Variants in OLR1 observed in about 807,000 individuals in gnomAD.
OLR1 encodes oxidized low density lipoprotein receptor 1.
OLR1 carries 23 observed loss-of-function variants against 31.7 expected under a neutral mutation model. The observed-to-expected ratio is 0.72, with a 90% CI of 0.52 to 1.03. The LOEUF (loss-of-function observed/expected upper bound fraction) is 1.03, where lower values mean the gene tolerates loss of function less well. Ranked by LOEUF, OLR1 falls within the 50% of genes least tolerant of loss-of-function variation. The pLI, the probability that OLR1 is intolerant of heterozygous loss-of-function variation, is 0.00. For synonymous variants in OLR1, 117 were observed against 115.8 expected, an observed-to-expected ratio of 1.01 and a Z score of -0.07; for missense variants, 286 against 315.7, an observed-to-expected ratio of 0.91 and a Z score of 0.71.
chr12:10,161,030 ATTTTTG>A (rs748871918), intron 3 of OLR1, 105 bp from the exon 4 acceptor site: 119 of 1,202,960 alleles, frequency 9.9e-5, no homozygotes, highest in Middle Eastern at 8.2e-4. Flanking sequence ...CATACTATTT[ATTTTTG>A]TTTTTGTTTT....
chr12:10,159,631 G>T lies in OLR1; in HGVS notation c.*249C>A. The T allele has an allele frequency of 3.0e-6, 1 of 329,876 alleles. No homozygotes were observed. The allele number at this position is 329,876 out of a possible 1,614,324, so 20.4% of individuals were successfully genotyped here. On this transcript the variant is annotated 3_prime_UTR_variant, in exon 6 of 6. Transcript: ENST00000309539. ...AGGAGTCAAATTTTAAAATAAAAAGGGGAAAATGGACTTCAGGCTGGCAGG... is the reference window on the plus strand; with the variant it reads ...AGGAGTCAAATTTTAAAATAAAAAGTGGAAAATGGACTTCAGGCTGGCAGG...
chr12:10,172,432 T>C (rs1287321989), upstream of OLR1: 1 of 170,562 alleles, frequency 5.9e-6, no homozygotes, highest in African/African-American at 2.4e-5. Context: ...TCACACTACA[T>C]TTGTAAAAAA....
At chr12:10,162,340 T>G (rs1948627466) in intron 3 of OLR1, among the ~76,000 whole-genome samples, 1 of 152,094 alleles carries the variant, frequency 6.6e-6, no homozygotes, top group Non-Finnish European at 1.5e-5. Context: ...AGAGTAGGCT[T>G]TATCAGAGAG....
At chr12:10,173,249 G>C (rs981375141), upstream of OLR1, among the ~76,000 whole-genome samples, 1 of 152,028 alleles carries the variant, frequency 6.6e-6, no homozygotes, top group African/African-American at 2.4e-5. Flanking sequence ...TCTTCTGAAG[G>C]AAGTATTTAT....
In OLR1 at chr12:10,166,725, T is replaced by C. The variant is rs1039365793; in HGVS notation, c.411A>G (p.Val137=). ...NLNLQETLKR[V]ANCSAPCPQD... The stretch of plus-strand genomic sequence containing the variant: ...TTCTCCCAATACCTGAACAATTTGC[T>C]ACTCTCTTCAGTGTTTCTTGGAGAT... Residue 137 remains valine (V), a synonymous_variant, in exon 3 of 6, where the codon GTA becomes GTG. Coordinates refer to ENST00000309539, the MANE Select transcript of OLR1 (RefSeq NM_002543.4). 1.2e-6 allele frequency: 2 copies of C among 1,613,996 alleles called. No homozygotes were observed. Among genetic ancestry groups the C allele is most frequent in the African/African-American group, 1.3e-5 (1 of 74,908 alleles).
intron 1 of OLR1, chr12:10,170,780 C>T (rs1948708699): frequency 6.6e-6 from 1 of 152,136 alleles, no homozygotes; most frequent in Non-Finnish European, 1.5e-5. Context: ...CGCGCCTGGC[C>T]TCATCACTCT....
At chr12:10,162,701 G>A (rs1948630059) in intron 3 of OLR1, among the ~76,000 whole-genome samples, 1 of 152,192 alleles carries the variant, frequency 6.6e-6, no homozygotes, top group African/African-American at 2.4e-5. Context: ...GGTGGTGTGC[G>A]CCTGTAGTCT....
At chr12:10,160,720 G>T in intron 4 of OLR1, 66 bp downstream of exon 4, 1 of 1,580,084 alleles carries the variant, frequency 6.3e-7, no homozygotes, top group Non-Finnish European at 8.7e-7. Flanking sequence ...TCCAGTGACA[G>T]TTTAAACCAG....
rs149316102 is a variant in OLR1, at chr12:10,171,458, A to T, written c.76+544T>A. ...CACAACAAAATGTAACTTATGCTAAACTATACTGAATATCATTTACTTTGC... is the reference window on the plus strand; with the variant it reads ...CACAACAAAATGTAACTTATGCTAATCTATACTGAATATCATTTACTTTGC... On this transcript the variant is annotated intron_variant, in intron 1 of 5. Transcript: ENST00000309539. Among the ~76,000 whole-genome samples, 466 of 152,374 alleles carry T rather than the reference A, an allele frequency of 3.1e-3. 4 individuals carry two copies. Among genetic ancestry groups the T allele is most frequent in the African/African-American group, 0.01 (435 of 41,592 alleles).
intron 3 of OLR1, among the ~76,000 whole-genome samples, chr12:10,164,898 C>T (rs1450121625): frequency 6.6e-6 from 1 of 152,150 alleles, no homozygotes; most frequent in Admixed American, 6.6e-5. Flanking sequence ...ACTTCTTGGA[C>T]TCCTCATATT....
chr12:10,168,682 T>C (rs567231210), intron 2 of OLR1, among the ~76,000 whole-genome samples: 1 of 152,220 alleles, frequency 6.6e-6, no homozygotes, highest in Admixed American at 6.5e-5. Context: ...TTAGTAGAGA[T>C]GGGGTTTCAC....
At position 10,159,959 on chromosome 12, in the gene OLR1, CGTT is replaced by C; in HGVS notation, c.740_742del (p.Gln247del). 6.2e-7 allele frequency: 1 copy of C among 1,613,950 alleles called. No individual in the cohort carries two copies. Among genetic ancestry groups the C allele is most frequent in the Non-Finnish European group, 8.5e-7 (1 of 1,179,924 alleles). ...GCAGTTTTCCGCATAAACAGCTCCT[CGTT>C]GTATATATGCACAGGTACCTGAAGG... is the stretch of plus-strand genomic sequence containing the variant. On this transcript the variant is annotated inframe_deletion, in exon 6 of 6. Coordinates refer to ENST00000309539, the MANE Select transcript of OLR1 (RefSeq NM_002543.4).
intron 3 of OLR1, among the ~76,000 whole-genome samples, chr12:10,162,649 G>A (rs907541269): frequency 7.9e-5 from 12 of 152,216 alleles, no homozygotes; most frequent in African/African-American, 2.2e-4. Context: ...GCAACATGGC[G>A]AAACCCCATT....
chr12:10,172,003 T>C lies in OLR1; in HGVS notation c.75A>G (p.Lys25=). The change falls in exon 1 of 6, where the codon AAA becomes AAG. Residue 25 remains lysine, a splice_region_variant and synonymous_variant. Coordinates refer to ENST00000309539, the MANE Select transcript of OLR1 (RefSeq NM_002543.4). ...PDEKSNGKKA[K]GLQFLYSPWW... is the part of the protein sequence containing the mutation. ...TACACATTTTCCCATCCCTAGTACCTTTAGCTTTTTTTCCATTTGACTTCT... is the reference window on the plus strand; with the variant it reads ...TACACATTTTCCCATCCCTAGTACCCTTAGCTTTTTTTCCATTTGACTTCT... 6.2e-7 allele frequency: 1 copy of C among 1,611,760 alleles called. No homozygotes were observed. Among genetic ancestry groups the C allele is most frequent in the African/African-American group, 1.3e-5 (1 of 74,996 alleles).
chr12:10,167,352 G>A (rs1471894013), intron 2 of OLR1: 6 of 173,548 alleles, frequency 3.5e-5, no homozygotes, highest in Admixed American at 1.1e-4. Flanking sequence ...GGTGGCACGC[G>A]CCTGTAGTCC....
chr12:10,172,466 T>C (rs1398912134), upstream of OLR1: 1 of 161,898 alleles, frequency 6.2e-6, no homozygotes, highest in Non-Finnish European at 1.4e-5. Context: ...TGGGCCAAAA[T>C]ATTTGATTCC....
At chr12:10,172,836 T>C (rs1332122438), upstream of OLR1, among the ~76,000 whole-genome samples, 1 of 152,170 alleles carries the variant, frequency 6.6e-6, no homozygotes, top group Non-Finnish European at 1.5e-5. Flanking sequence ...GTTATAGGAA[T>C]TCAAATGACA....
At position 10,169,057 on chromosome 12, in the gene OLR1, C is replaced by T. The variant is rs113074558; in HGVS notation, c.178+17G>A. 7.4e-4 allele frequency: 1,158 copies of T among 1,567,176 alleles called. 5 individuals are homozygous for T. The African/African-American group carries it at 9.8e-3, about 13-fold the overall frequency. On this transcript the variant is annotated intron_variant, in intron 2 of 5. Coordinates refer to ENST00000309539, the MANE Select transcript of OLR1 (RefSeq NM_002543.4). ...CCCCTGCCCCAATAAACATCAGTTCCGTATTTTAGCACTTACATTGCATGC... is the reference window on the plus strand; with the variant it reads ...CCCCTGCCCCAATAAACATCAGTTCTGTATTTTAGCACTTACATTGCATGC...
chr12:10,160,094 G>C, intron 5 of OLR1, 73 bp from the exon 6 acceptor site: 1 of 1,497,686 alleles, frequency 6.7e-7, no homozygotes, highest in Non-Finnish European at 9.0e-7. Context: ...CAGAAACTTA[G>C]CTTTTGAAAC....
Sources: gnomAD v4.1 joint callset for allele counts (sites outside exome capture counted in the v4.1 genomes callset) on GRCh38, gnomAD v4.1.1 for gene constraint, MANE v1.5 for transcripts, NCBI Gene and HGNC (gene_info 2026-07-23, HGNC 2026-07-21) for gene names.